Variants in IL12RB2 observed in about 807,000 individuals in gnomAD.
IL12RB2 encodes interleukin 12 receptor subunit beta 2.
In IL12RB2, 82 loss-of-function variants were observed where a neutral mutation model predicts 89.4. The ratio of observed to expected loss-of-function variants is 0.92; its 90% confidence interval spans 0.77 to 1.10. IL12RB2 has a LOEUF of 1.10. IL12RB2 is among the 50% of genes least tolerant of loss of function. The probability of loss-of-function intolerance (pLI) is 0.00; values close to 1 mark genes in which losing one functional copy is unlikely to be tolerated. For missense variants in IL12RB2, 963 were observed against 1,031.9 expected (o/e 0.93, Z 0.92); for synonymous variants, 368 against 370.1 (o/e 0.99, Z 0.07).
chr1:67,387,497 T>C (rs1665328683), intron 15 of IL12RB2, among the ~76,000 whole-genome samples: 1 of 149,502 alleles, frequency 6.7e-6, no homozygotes, highest in South Asian at 2.1e-4. Context: ...GGTCAGGAGA[T>C]GGAGACCATC....
chr1:67,380,427 G>T (rs1184473312), intron 14 of IL12RB2, among the ~76,000 whole-genome samples: 1 of 152,136 alleles, frequency 6.6e-6, no homozygotes, highest in Non-Finnish European at 1.5e-5. Flanking sequence ...AATCCTGTAG[G>T]CAAGGATTGA....
Position 67,396,295 on chromosome 1 carries a change from G to C in IL12RB2, c.*206G>C, listed in dbSNP as rs1338504896. On this transcript the variant is annotated 3_prime_UTR_variant, in exon 17 of 17. Transcript: ENST00000674203. ...GATGCCTCATCTTGCCTTTCCCAGG[G>C]CCTTAAAATTACATCCTTCACTGTG... 3.1e-5 allele frequency: 20 copies of C among 639,436 alleles called. No homozygotes were observed. The highest frequency in any genetic ancestry group is 5.3e-5 in the Non-Finnish European group (19 of 355,748). 39.6% of individuals were successfully genotyped at this position (639,436 alleles called of 1,614,324 possible).
chr1:67,329,944 C>T (rs1657838192), intron 7 of IL12RB2, among the ~76,000 whole-genome samples: 2 of 152,070 alleles, frequency 1.3e-5, no homozygotes, highest in African/African-American at 4.8e-5. Context: ...CTTTTGTAAA[C>T]CAATATTAAT....
At chr1:67,311,331 G>T (rs568313953) in intron 1 of IL12RB2, among the ~76,000 whole-genome samples, 2 of 152,252 alleles carry the variant, frequency 1.3e-5, no homozygotes, top group African/African-American at 4.8e-5. Context: ...AATTTAAACC[G>T]ATAGAAGAGG....
At chr1:67,370,625 G>C (rs940738586) in intron 11 of IL12RB2, among the ~76,000 whole-genome samples, 3 of 152,192 alleles carry the variant, frequency 2.0e-5, no homozygotes, top group Non-Finnish European at 4.4e-5. Context: ...TATGGGAGTG[G>C]TGGGAAATGA....
intron 2 of IL12RB2, among the ~76,000 whole-genome samples, chr1:67,317,694 A>G (rs1655950959): frequency 6.6e-6 from 1 of 152,158 alleles, no homozygotes; most frequent in East Asian, 1.9e-4. Flanking sequence ...TTTCCTGTCT[A>G]CCACAGGGAT....
At chr1:67,342,668 T>C (rs1211259456) in intron 9 of IL12RB2, among the ~76,000 whole-genome samples, 2 of 152,116 alleles carry the variant, frequency 1.3e-5, no homozygotes, top group Admixed American at 6.5e-5. Context: ...ACCTTTGCTT[T>C]GTTATGGCTT....
Position 67,342,761 on chromosome 1 carries a change from C to CTTTTTTTTTTTTTTTTTT in IL12RB2, c.1038+4074_1038+4075insTTTTTTTTTTTTTTTTTT. The stretch of plus-strand genomic sequence containing the variant: ...CTTGTACTACTTTTTAAAATCACAC[C>CTTTTTTTTTTTTTTTTTT]TTTTTTTTTTTTTTTTGAGACAGGG... On this transcript the variant is annotated intron_variant, in intron 9 of 16. Transcript: ENST00000674203. Among the ~76,000 whole-genome samples the CTTTTTTTTTTTTTTTTTT allele has an allele frequency of 1.5e-5, 2 of 137,168 alleles. 1 individual carries two copies. Among genetic ancestry groups the CTTTTTTTTTTTTTTTTTT allele is most frequent in the Non-Finnish European group, 3.1e-5 (2 of 63,968 alleles). The allele number at this position is 137,168 out of a possible 152,430, so 90.0% of individuals were successfully genotyped here. A position where few individuals can be genotyped will look rare whatever the true frequency, so the allele number is the denominator to read the frequency against.
At chr1:67,385,551 C>T (rs7548737) in intron 14 of IL12RB2, among the ~76,000 whole-genome samples, 71,117 of 152,130 alleles carry the variant, frequency 0.47, 18,802 homozygotes, top group Non-Finnish European at 0.58. Context: ...TCCTATACTA[C>T]ATTCATGACT....
At position 67,395,732 on chromosome 1, in the gene IL12RB2, G is replaced by A. The variant is rs1222688630; in HGVS notation, c.2232G>A (p.Met744Ile). 1.9e-6 allele frequency: 3 copies of A among 1,614,100 alleles called. No homozygotes were observed. In the South Asian group the frequency reaches 3.3e-5, roughly 18 times the overall value. ...ATCAGGCCTCTGAGAAAGACATGATGCACAGTGCCTCAAGCCCACCACCTC... is the reference window on the plus strand; with the variant it reads ...ATCAGGCCTCTGAGAAAGACATGATACACAGTGCCTCAAGCCCACCACCTC... ...QGHQASEKDMMHSASSPPPPR... is the reference protein window; with the variant it reads ...QGHQASEKDMIHSASSPPPPR... Residue 744 changes from methionine (M) to isoleucine (I), a missense_variant, in exon 17 of 17, where the codon ATG becomes ATA. Coordinates refer to ENST00000674203, the MANE Select transcript of IL12RB2 (RefSeq NM_001374259.2).
intron 10 of IL12RB2, among the ~76,000 whole-genome samples, chr1:67,359,758 C>T (rs181016507): frequency 3.9e-5 from 6 of 152,072 alleles, no homozygotes; most frequent in Admixed American, 3.9e-4. Flanking sequence ...TTTCAGTTTC[C>T]AGTCTAGCAT....
chr1:67,386,872 TTATATATATATA>T (rs1179774666), intron 15 of IL12RB2, among the ~76,000 whole-genome samples: 166 of 48,452 alleles, frequency 3.4e-3, no homozygotes, highest in African/African-American at 7.7e-3. Context: ...GAAATGTATT[TTATATATATATA>T]TATATATATA....
At chr1:67,394,933 C>T (rs562039992) in intron 16 of IL12RB2, among the ~76,000 whole-genome samples, 2 of 152,206 alleles carry the variant, frequency 1.3e-5, no homozygotes, top group East Asian at 3.9e-4. Flanking sequence ...TCTCCAGTGC[C>T]CTCTGTCCTC....
intron 2 of IL12RB2, among the ~76,000 whole-genome samples, chr1:67,317,867 A>G (rs1655981662): frequency 6.6e-6 from 1 of 152,222 alleles, no homozygotes; most frequent in Non-Finnish European, 1.5e-5. Flanking sequence ...ATATTCTAGT[A>G]TAGAAGACAG....
intron 9 of IL12RB2, among the ~76,000 whole-genome samples, chr1:67,347,220 G>T (rs1660338076): frequency 6.6e-6 from 1 of 152,130 alleles, no homozygotes; most frequent in African/African-American, 2.4e-5. Flanking sequence ...AGAAATAAAA[G>T]CTGTGATTAA....
chr1:67,390,881 C>T lies in IL12RB2; in HGVS notation c.2046+753C>T, dbSNP rs563346272. On this transcript the variant is annotated intron_variant, in intron 16 of 16. Transcript: ENST00000674203. ...TGGGGCTTTGACAACTCCAGGCTCC[C>T]TTTCCAAGACCTTATAACACTCCTT... Among the ~76,000 whole-genome samples, 30 of 152,238 alleles carry T rather than the reference C, an allele frequency of 2.0e-4. 1 individual carries two copies. In the South Asian group the frequency reaches 6.0e-3, roughly 31 times the overall value.
At chr1:67,310,480 A>G (rs917512357) in intron 1 of IL12RB2, among the ~76,000 whole-genome samples, 1 of 152,196 alleles carries the variant, frequency 6.6e-6, no homozygotes, top group Non-Finnish European at 1.5e-5. Flanking sequence ...GTTAGGAGGT[A>G]TGGAATCTAG....
At chr1:67,342,377 T>C (rs1163373029) in intron 9 of IL12RB2, among the ~76,000 whole-genome samples, 1 of 152,174 alleles carries the variant, frequency 6.6e-6, no homozygotes, top group East Asian at 1.9e-4. Context: ...ACTTTTCTCT[T>C]GCATATGGGG....
chr1:67,364,919 A>T (rs954006067), intron 10 of IL12RB2, among the ~76,000 whole-genome samples: 3 of 152,180 alleles, frequency 2.0e-5, no homozygotes, highest in Admixed American at 6.5e-5. Flanking sequence ...CATAAAATAC[A>T]CCTTAACAAA....
Sources: gnomAD v4.1 joint callset for allele counts (sites outside exome capture counted in the v4.1 genomes callset) on GRCh38, gnomAD v4.1.1 for gene constraint, MANE v1.5 for transcripts, NCBI Gene and HGNC (gene_info 2026-07-23, HGNC 2026-07-21) for gene names.